LAMA1: variants seen among roughly 807,000 people sequenced by gnomAD.
LAMA1 encodes the protein laminin subunit alpha-1.
LAMA1 carries 219 observed loss-of-function variants against 348.7 expected under a neutral mutation model. That is an observed-to-expected ratio of 0.63 (90% CI 0.56 to 0.70). The LOEUF (loss-of-function observed/expected upper bound fraction) is 0.70, where lower values mean the gene tolerates loss of function less well. Ranked by LOEUF, LAMA1 falls within the 30% of genes least tolerant of loss-of-function variation. The probability of loss-of-function intolerance (pLI) is 0.00; values close to 1 mark genes in which losing one functional copy is unlikely to be tolerated. For missense variants in LAMA1, 3,744 were observed against 3,888.0 expected, an observed-to-expected ratio of 0.96 and a Z score of 0.99; for synonymous variants, 1,487 against 1,491.0, an observed-to-expected ratio of 1.00 and a Z score of 0.06.
intron 56 of LAMA1, 62 bp downstream of exon 56, chr18:6,956,574 C>T (rs766661605): frequency 2.5e-6 from 4 of 1,611,462 alleles, no homozygotes; most frequent in African/African-American, 1.3e-5. Context: ...TTTTAACTCC[C>T]TCTGTCCTAG....
chr18:7,023,346 G>A lies in LAMA1; in HGVS notation c.2519C>T (p.Thr840Ile), dbSNP rs1362426892. Residue 840 changes from threonine (T) to isoleucine (I), a missense_variant, in exon 19 of 63, where the codon ACA (threonine) becomes ATA (isoleucine). Thr to Ile is a moderately conservative substitution (Grantham distance 89). Transcript: ENST00000389658. ...RCADGYYGNP[T>I]VPGESCVPCD... ...GGGAACACAAGATTCGCCAGGCACTGTTGGGTTTCCATAGTAACCATCTGC... is the reference window on the plus strand; with the variant it reads ...GGGAACACAAGATTCGCCAGGCACTATTGGGTTTCCATAGTAACCATCTGC... 3 of 1,614,050 alleles carry A rather than the reference G, an allele frequency of 1.9e-6. No individual in the cohort carries two copies. Among genetic ancestry groups the A allele is most frequent in the African/African-American group, 2.7e-5 (2 of 74,928 alleles).
intron 1 of LAMA1, among the ~76,000 whole-genome samples, chr18:7,094,143 A>G (rs541958175): frequency 9.7e-4 from 147 of 152,246 alleles, no homozygotes; most frequent in Admixed American, 2.0e-3. Flanking sequence ...ATTCTGATGC[A>G]GTAGGTCTGG....
At chr18:6,954,921 T>C (rs114107022) in intron 57 of LAMA1, 3,018 of 281,714 alleles carry the variant, frequency 0.011, 93 homozygotes, top group African/African-American at 0.061. Flanking sequence ...CAGGCAGGTA[T>C]GAGGGCCAGA....
chr18:6,983,844 T>C (rs995843966), intron 39 of LAMA1, among the ~76,000 whole-genome samples: 14 of 152,208 alleles, frequency 9.2e-5, no homozygotes, highest in Non-Finnish European at 2.1e-4. Flanking sequence ...AAATAAAGTC[T>C]GGCAATGGGC....
chr18:7,036,646 GA>G lies in LAMA1; in HGVS notation c.1738-559del, dbSNP rs34563227. ...TAAAATTGGAGAAGTGATATCAAGA[GA>G]AAAAAAAATCATTGAACTCTGTTGA... On this transcript the variant is annotated intron_variant, in intron 12 of 62. Transcript: ENST00000389658. Among the ~76,000 whole-genome samples, 822 of 149,376 alleles carry G rather than the reference GA, an allele frequency of 5.5e-3. 9 individuals are homozygous for G. Among genetic ancestry groups the G allele is most frequent in the South Asian group, 0.028 (132 of 4,704 alleles).
intron 23 of LAMA1, among the ~76,000 whole-genome samples, chr18:7,013,529 A>G (rs554701821): frequency 4.6e-5 from 7 of 152,316 alleles, no homozygotes; most frequent in Middle Eastern, 3.4e-3. Flanking sequence ...CCTCACCTGC[A>G]TACTCAAGAT....
chr18:6,967,225 T>C (rs1298201829), intron 48 of LAMA1, among the ~76,000 whole-genome samples: 2 of 152,240 alleles, frequency 1.3e-5, no homozygotes, highest in African/African-American at 4.8e-5. Flanking sequence ...TATAACTACC[T>C]GCACTCTTGC....
At position 7,010,295 on chromosome 18, in the gene LAMA1, T is replaced by C. The variant is rs1600391179; in HGVS notation, c.3778A>G (p.Ile1260Val). The C allele has an allele frequency of 3.7e-6, 6 of 1,614,210 alleles. No homozygotes were observed. The change falls in exon 26 of 63, where the codon ATC becomes GTC. Residue 1260 changes from isoleucine (I) to valine (V), a missense_variant. Ile to Val is a conservative substitution (Grantham distance 29, BLOSUM62 3). Coordinates refer to ENST00000389658, the MANE Select transcript of LAMA1 (RefSeq NM_005559.4). ...TGCTTTCTGATCCGACCACCTTTGA[T>C]GAGAACTTGAGGCTCAAAATTGGAG... ...GTSNFEPQVL[I>V]KGGRIRKQVI...
chr18:7,097,962 T>C (rs2058269349), intron 1 of LAMA1, among the ~76,000 whole-genome samples: 1 of 150,562 alleles, frequency 6.6e-6, no homozygotes, highest in Non-Finnish European at 1.5e-5. Context: ...CCTCCCTGCC[T>C]GATTCTCCTG....
intron 3 of LAMA1, among the ~76,000 whole-genome samples, chr18:7,074,293 G>A (rs1375043978): frequency 2.0e-5 from 3 of 152,098 alleles, no homozygotes; most frequent in Non-Finnish European, 2.9e-5. Context: ...ATTGTGGTTT[G>A]ATTTTCACTT....
rs79021160 is a variant in LAMA1, at chr18:6,982,265, G to A, written c.5890+232C>T. On this transcript the variant is annotated intron_variant, in intron 41 of 62. Transcript: ENST00000389658. ...GGACAGGTTAAAGATAGAGATGACT[G>A]CACAATAAAGGAACAGATATCACTA... is the stretch of plus-strand genomic sequence containing the variant. 3.8e-3 allele frequency among the ~76,000 whole-genome samples: 579 copies of A among 152,244 alleles called. 6 individuals are homozygous for A. Among genetic ancestry groups the A allele is most frequent in the African/African-American group, 0.013 (533 of 41,560 alleles).
chr18:7,038,693 T>A (rs541355138), intron 11 of LAMA1, 117 bp downstream of exon 11: 1 of 1,350,910 alleles, frequency 7.4e-7, no homozygotes, highest in African/African-American at 1.4e-5. Context: ...TATCATTGCA[T>A]AGCGATGAGA....
intron 55 of LAMA1, among the ~76,000 whole-genome samples, chr18:6,957,712 T>C (rs1298919519): frequency 6.6e-6 from 1 of 152,134 alleles, no homozygotes; most frequent in Non-Finnish European, 1.5e-5. Flanking sequence ...CAAGGAGGAA[T>C]GAACTGCTCA....
At chr18:6,955,527 C>G in intron 56 of LAMA1, 62 bp from the exon 57 acceptor site, 4 of 1,212,372 alleles carry the variant, frequency 3.3e-6, no homozygotes, top group Non-Finnish European at 4.9e-6. Flanking sequence ...CTGACACACG[C>G]GTGTTCCGCC....
At chr18:6,984,297 G>A (rs1019860196) in intron 39 of LAMA1, among the ~76,000 whole-genome samples, 6 of 152,228 alleles carry the variant, frequency 3.9e-5, no homozygotes, top group Admixed American at 3.3e-4. Context: ...AAGGAGACAC[G>A]CATCTTTCCC....
intron 3 of LAMA1, among the ~76,000 whole-genome samples, chr18:7,062,158 G>T (rs1313752845): frequency 6.6e-6 from 1 of 152,228 alleles, no homozygotes; most frequent in Non-Finnish European, 1.5e-5. Flanking sequence ...GTGACCCAAT[G>T]CCCTGGTGGG....
intron 1 of LAMA1, among the ~76,000 whole-genome samples, chr18:7,100,023 C>T (rs2058285021): frequency 1.5e-5 from 2 of 133,110 alleles, no homozygotes; most frequent in South Asian, 4.8e-4. Context: ...CGCGCCACTG[C>T]ATTCCAGCCT....
intron 1 of LAMA1, among the ~76,000 whole-genome samples, chr18:7,106,007 C>A (rs971374106): frequency 6.6e-6 from 1 of 152,176 alleles, no homozygotes; most frequent in African/African-American, 2.4e-5. Context: ...TTCCCTGAGC[C>A]ACTTCACTGA....
intron 1 of LAMA1, among the ~76,000 whole-genome samples, chr18:7,088,922 G>A (rs958992267): frequency 6.6e-6 from 1 of 152,074 alleles, no homozygotes; most frequent in Non-Finnish European, 1.5e-5. Flanking sequence ...CAAGAGGATC[G>A]CTTGAGCCTA....
Sources: gnomAD v4.1 joint callset for allele counts (sites outside exome capture counted in the v4.1 genomes callset) on GRCh38, gnomAD v4.1.1 for gene constraint, MANE v1.5 for transcripts, NCBI Gene and HGNC (gene_info 2026-07-23, HGNC 2026-07-21) for gene names.